BACH2: variants seen among roughly 807,000 people sequenced by gnomAD.
BACH2 encodes the protein BACH transcriptional regulator 2.
A neutral mutation model predicts 61.8 loss-of-function variants in BACH2; 5 were observed. The ratio of observed to expected loss-of-function variants is 0.08; its 90% CI spans 0.04 to 0.17. The LOEUF is 0.17. BACH2 is among the 10% of genes least tolerant of loss of function. The pLI, the probability that BACH2 is intolerant of heterozygous loss-of-function variation, is 1.00. For missense variants in BACH2, 824 were observed against 1,091.1 expected, an observed-to-expected ratio of 0.76 and a Z score of 3.45; for synonymous variants, 446 against 440.1, an observed-to-expected ratio of 1.01 and a Z score of -0.17.
intron 4 of BACH2, among the ~76,000 whole-genome samples, chr6:90,125,860 T>C (rs1747871712): frequency 6.6e-6 from 1 of 152,198 alleles, no homozygotes; most frequent in African/African-American, 2.4e-5. Context: ...CAACGCCAAA[T>C]GGGTGAAAAC....
At chr6:90,273,639 C>T (rs1771598391) in intron 1 of BACH2, among the ~76,000 whole-genome samples, 1 of 152,154 alleles carries the variant, frequency 6.6e-6, no homozygotes, top group Non-Finnish European at 1.5e-5. Flanking sequence ...TGCCCACTGT[C>T]AAGGCTCGGG....
At chr6:90,287,676 G>A (rs1307541631) in intron 1 of BACH2, among the ~76,000 whole-genome samples, 1 of 152,144 alleles carries the variant, frequency 6.6e-6, no homozygotes, top group Non-Finnish European at 1.5e-5. Context: ...GCCTAGGGTT[G>A]TGTTTATTTA....
At chr6:90,058,128 T>A (rs1780470218) in intron 5 of BACH2, among the ~76,000 whole-genome samples, 1 of 152,154 alleles carries the variant, frequency 6.6e-6, no homozygotes, top group African/African-American at 2.4e-5. Context: ...GCCAGGGCAA[T>A]TAGGCAGGAG....
At chr6:90,167,125 T>C (rs2474618) in intron 4 of BACH2, among the ~76,000 whole-genome samples, 52,279 of 152,066 alleles carry the variant, frequency 0.34, 12,074 homozygotes, top group African/African-American at 0.64. Context: ...CCTCACAGTA[T>C]TCTGAAATTT....
At chr6:90,013,393 T>C (rs9444727) in intron 5 of BACH2, among the ~76,000 whole-genome samples, 26,949 of 152,156 alleles carry the variant, frequency 0.18, 2,879 homozygotes, top group African/African-American at 0.3. Flanking sequence ...ACGTTAGCTA[T>C]AGATGCTTCA....
At chr6:90,054,685 T>C (rs1780234770) in intron 5 of BACH2, among the ~76,000 whole-genome samples, 1 of 152,122 alleles carries the variant, frequency 6.6e-6, no homozygotes, top group Non-Finnish European at 1.5e-5. Context: ...CTTAAGTGGG[T>C]CCCTGACCCC....
At chr6:90,184,484 C>A (rs887457223) in intron 4 of BACH2, among the ~76,000 whole-genome samples, 1 of 152,232 alleles carries the variant, frequency 6.6e-6, no homozygotes, top group African/African-American at 2.4e-5. Flanking sequence ...CCCTCCACCC[C>A]TTCACTGCTG....
chr6:89,931,858 G>A lies in BACH2; in HGVS notation c.*550C>T, dbSNP rs981898547. On this transcript the variant is annotated 3_prime_UTR_variant, in exon 9 of 9. Coordinates refer to ENST00000257749, the MANE Select transcript of BACH2 (RefSeq NM_021813.4). ...CAGAGACAAAAGAAGAGGAATGTTG[G>A]AACCTGTTTCTAAATGAGAAATAAG... is the stretch of plus-strand genomic sequence containing the variant. 4 of 151,890 alleles carry A rather than the reference G, an allele frequency of 2.6e-5. No individual in the cohort carries two copies. The highest frequency in any genetic ancestry group is 5.9e-5 in the Non-Finnish European group (4 of 67,910). 9.4% of individuals were successfully genotyped at this position (151,890 alleles called of 1,614,324 possible). A position where few individuals can be genotyped will look rare whatever the true frequency, so the allele number is the denominator to read the frequency against.
chr6:90,228,051 C>T (rs1381151886), intron 3 of BACH2, among the ~76,000 whole-genome samples: 1 of 152,216 alleles, frequency 6.6e-6, no homozygotes, highest in Admixed American at 6.5e-5. Flanking sequence ...GTTTAAAAAT[C>T]TATTTAAGAC....
intron 5 of BACH2, among the ~76,000 whole-genome samples, chr6:90,027,980 C>T (rs1280120555): frequency 6.6e-6 from 1 of 152,126 alleles, no homozygotes; most frequent in Non-Finnish European, 1.5e-5. Context: ...TTTTTGTTTG[C>T]CAGATTCTCT....
chr6:90,027,772 A>G (rs1292665563), intron 5 of BACH2, among the ~76,000 whole-genome samples: 1 of 152,218 alleles, frequency 6.6e-6, no homozygotes, highest in Non-Finnish European at 1.5e-5. Flanking sequence ...TCTATGTACA[A>G]AATACTTATG....
At position 90,197,974 on chromosome 6, in the gene BACH2, T is replaced by C. The variant is rs114421213; in HGVS notation, c.-162+8595A>G. On this transcript the variant is annotated intron_variant, in intron 4 of 8. Transcript: ENST00000257749. ...CCTACAAATGAAACCTGTTTGATGG[T>C]GTAAGGAAAATGGATGAGCTGTGGT... Among the ~76,000 whole-genome samples, 750 of 152,136 alleles carry C rather than the reference T, an allele frequency of 4.9e-3. 7 individuals are homozygous for C. Among genetic ancestry groups the C allele is most frequent in the African/African-American group, 0.017 (707 of 41,488 alleles).
chr6:90,002,145 T>G (rs1477019823), intron 6 of BACH2, among the ~76,000 whole-genome samples: 3 of 152,200 alleles, frequency 2.0e-5, no homozygotes, highest in Non-Finnish European at 4.4e-5. Context: ...AAATGCTTTC[T>G]TCACCTGGCT....
intron 3 of BACH2, among the ~76,000 whole-genome samples, chr6:90,210,939 C>A (rs550977295): frequency 6.6e-6 from 1 of 151,652 alleles, no homozygotes; most frequent in Non-Finnish European, 1.5e-5. Context: ...ACGGGTGGAC[C>A]ACTTGAAGTC....
intron 4 of BACH2, among the ~76,000 whole-genome samples, chr6:90,172,298 T>G (rs1443483243): frequency 9.4e-6 from 1 of 105,898 alleles, no homozygotes; most frequent in Non-Finnish European, 1.7e-5. Flanking sequence ...AGAGCAAGAC[T>G]CCATCTCAAA....
intron 4 of BACH2, among the ~76,000 whole-genome samples, chr6:90,106,099 A>G (rs207259): frequency 0.53 from 80,542 of 152,006 alleles, 21,942 homozygotes; most frequent in African/African-American, 0.61. Flanking sequence ...AGGACTGCTA[A>G]GAAAGGGCCT....
chr6:90,171,938 A>G (rs2127837489), intron 4 of BACH2, among the ~76,000 whole-genome samples: 1 of 152,330 alleles, frequency 6.6e-6, no homozygotes, highest in East Asian at 1.9e-4. Context: ...TGAAGTAGGA[A>G]TGAGTGATTT....
At chr6:90,294,407 A>T (rs562959496) in intron 1 of BACH2, among the ~76,000 whole-genome samples, 4 of 152,168 alleles carry the variant, frequency 2.6e-5, no homozygotes, top group East Asian at 1.9e-4. Flanking sequence ...TTTCGAGAGT[A>T]AAAAAAACGT....
At chr6:90,155,285 TC>T (rs1272109784) in intron 4 of BACH2, among the ~76,000 whole-genome samples, 2 of 152,176 alleles carry the variant, frequency 1.3e-5, no homozygotes, top group Non-Finnish European at 2.9e-5. Flanking sequence ...AGGGAAACAT[TC>T]TGGATGAACC....
Sources: gnomAD v4.1 joint callset for allele counts (sites outside exome capture counted in the v4.1 genomes callset) on GRCh38, gnomAD v4.1.1 for gene constraint, MANE v1.5 for transcripts, NCBI Gene and HGNC (gene_info 2026-07-23, HGNC 2026-07-21) for gene names.